Variants in DHX16 observed in about 807,000 individuals in gnomAD.
DHX16 encodes the protein pre-mRNA-splicing factor ATP-dependent RNA helicase DHX16.
Under a neutral mutation model 131.2 loss-of-function variants are expected in DHX16, and 81 were observed. The ratio of observed to expected loss-of-function variants is 0.62; its 90% confidence interval spans 0.52 to 0.74. The LOEUF is 0.74. Ranked by LOEUF, DHX16 falls within the 30% of genes least tolerant of loss-of-function variation. DHX16 has a pLI of 0.00. For missense variants in DHX16, 980 were observed against 1,363.1 expected (o/e 0.72, Z 4.43); for synonymous variants, 440 against 520.2 (o/e 0.85, Z 2.10).
intron 12 of DHX16, among the ~76,000 whole-genome samples, chr6:30,657,654 C>T (rs1171676926): frequency 6.6e-6 from 1 of 152,144 alleles, no homozygotes; most frequent in Non-Finnish European, 1.5e-5. Flanking sequence ...CCACACACTG[C>T]TTTGCTCTGC....
Position 30,664,928 on chromosome 6 carries a change from C to T in DHX16, c.1190G>A (p.Arg397His), listed in dbSNP as rs1374136350. The change falls in exon 7 of 20, where the codon CGC becomes CAC. Residue 397 changes from arginine (R) to histidine (H), a missense_variant. By Grantham distance (29) the Arg-to-His change is conservative. Coordinates refer to ENST00000376442, the MANE Select transcript of DHX16 (RefSeq NM_003587.5). ...QQKESIQAVRRSLPVFPFREE... is the reference protein window; with the variant it reads ...QQKESIQAVRHSLPVFPFREE... ...TCGAAATGGGAACACCGGGAGGCTG[C>T]GGCGGACGGCCTGGATGGACTCTTT... 9.9e-6 allele frequency: 16 copies of T among 1,613,716 alleles called. No individual in the cohort carries two copies. Among genetic ancestry groups the T allele is most frequent in the South Asian group, 2.2e-5 (2 of 91,072 alleles).
In DHX16 at chr6:30,670,349, C is replaced by G; in HGVS notation, c.666+61G>C. 1 of 1,516,514 alleles carries G rather than the reference C, an allele frequency of 6.6e-7. No homozygotes were observed. The highest frequency in any genetic ancestry group is 2.4e-5 in the East Asian group (1 of 41,856). 93.9% of individuals were successfully genotyped at this position (1,516,514 alleles called of 1,614,324 possible). ...CCTCTGTATCCTCTCTCCCTATACACTCTATCAGAAAGTCTTTCCTTTTGT... is the reference window on the plus strand; with the variant it reads ...CCTCTGTATCCTCTCTCCCTATACAGTCTATCAGAAAGTCTTTCCTTTTGT... On this transcript the variant is annotated intron_variant, in intron 4 of 19. Transcript: ENST00000376442. This position sits in a 1 kb window ranked among gnomAD's most constrained non-coding sequence, Gnocchi z 4.4.
chr6:30,663,054 CTTTA>C (rs1768671781), intron 7 of DHX16, 33 bp from the exon 8 acceptor site: 1 of 1,558,756 alleles, frequency 6.4e-7, no homozygotes, highest in African/African-American at 1.4e-5. Context: ...GAAGTTTGCC[CTTTA>C]CTAAATATGC....
At chr6:30,653,771 G>A (rs1329584390) in intron 19 of DHX16, among the ~76,000 whole-genome samples, 1 of 152,096 alleles carries the variant, frequency 6.6e-6, no homozygotes, top group Non-Finnish European at 1.5e-5. Flanking sequence ...ATACCCAAAG[G>A]GCAGATACAC....
Position 30,657,111 on chromosome 6 carries a change from G to T in DHX16, c.2008-19C>A. ...CAACCACCTGAGTGATAGGATATGG[G>T]GTCACCCAGTGACCCCACCTACCTA... On this transcript the variant is annotated intron_variant, in intron 12 of 19. Transcript: ENST00000376442. 6 of 1,599,942 alleles carry T rather than the reference G, an allele frequency of 3.8e-6. No individual in the cohort carries two copies. The highest frequency in any genetic ancestry group is 5.1e-6 in the Non-Finnish European group (6 of 1,173,606).
intron 4 of DHX16, among the ~76,000 whole-genome samples, chr6:30,667,210 G>T (rs1377727909): frequency 6.6e-6 from 1 of 152,154 alleles, no homozygotes; most frequent in Non-Finnish European, 1.5e-5. Flanking sequence ...ACTGTAGCTT[G>T]TTCCTAGTTG....
Position 30,662,946 on chromosome 6 carries a change from C to T in DHX16, c.1393G>A (p.Val465Met), listed in dbSNP as rs748243153. Residue 465 changes from valine to methionine, a missense_variant, in exon 8 of 20, where the codon GTG (valine) becomes ATG (methionine). Physicochemically the swap from Val to Met is conservative, Grantham distance 21. Transcript: ENST00000376442. The surrounding 1 kb of genome is among the most constrained non-coding windows in gnomAD (Gnocchi z 4.7). ...AGCTTCACACCCATCTCCCGGGCCA[C>T]TCGGGCGGCCACACTCATGGCAGCC... ...RVAAMSVAAR[V>M]AREMGVKLGN... The T allele has an allele frequency of 2.5e-6, 4 of 1,613,330 alleles. 1 individual carries two copies. The South Asian group carries it at 4.4e-5, about 18-fold the overall frequency.
chr6:30,658,346 C>T (rs146918531), intron 12 of DHX16, among the ~76,000 whole-genome samples: 328 of 152,232 alleles, frequency 2.2e-3, no homozygotes, highest in African/African-American at 6.8e-3. Flanking sequence ...AGTTTGAGAC[C>T]AACCTGGCCA....
Position 30,671,066 on chromosome 6 carries a change from T to C in DHX16, c.416A>G (p.Glu139Gly). 1.9e-6 allele frequency: 3 copies of C among 1,613,136 alleles called. No homozygotes were observed. Among genetic ancestry groups the C allele is most frequent in the Non-Finnish European group, 1.7e-6 (2 of 1,180,028 alleles). Residue 139 changes from glutamate (E) to glycine (G), a missense_variant, in exon 2 of 20, where the codon GAG (glutamate) becomes GGG (glycine). Glu to Gly is a moderately conservative substitution (Grantham distance 98). Coordinates refer to ENST00000376442, the MANE Select transcript of DHX16 (RefSeq NM_003587.5). ...RKKREEEEEE[E>G]ASEKGKKKTG... ...TTTCTTCTTCCCTTTCTCAGAAGCC[T>C]CTTCCTCCTCTTCTTCCTCACGCTT...
intron 19 of DHX16, 67 bp from the exon 20 acceptor site, chr6:30,653,437 T>C (rs750657160): frequency 1.3e-6 from 2 of 1,522,378 alleles, no homozygotes; most frequent in Non-Finnish European, 1.8e-6. Flanking sequence ...GTTGTTATTT[T>C]TTTTTCTTAA....
At position 30,672,905 on chromosome 6, in the gene DHX16, G is replaced by A. The variant is rs1769718552; in HGVS notation, c.-64C>T. 1 of 1,598,362 alleles carries A rather than the reference G, an allele frequency of 6.3e-7. No homozygotes were observed. Among genetic ancestry groups the A allele is most frequent in the Admixed American group, 1.7e-5 (1 of 57,324 alleles). On this transcript the variant is annotated 5_prime_UTR_variant, in exon 1 of 20. Coordinates refer to ENST00000376442, the MANE Select transcript of DHX16 (RefSeq NM_003587.5). ...GGCAGCCGCGCTCACTGCTGGGCCG[G>A]TCAGAGGCCTGGAGCCCTCGGCTGG...
rs777031132 is a variant in DHX16 at position 30,656,481 on chromosome 6, G to A, written c.2340C>T (p.Phe780=). 2 of 1,614,196 alleles carry A rather than the reference G, an allele frequency of 1.2e-6. No individual in the cohort carries two copies. The highest frequency in any genetic ancestry group is 3.3e-5 in the Admixed American group (2 of 60,016). ...LGIHDLMHFD[F]LDPPPYETLL... is the part of the protein sequence containing the mutation. ...GTGTCTCATATGGTGGAGGGTCCAGGAAATCAAAGTGCATTAGGTCATGGA... is the reference window on the plus strand; with the variant it reads ...GTGTCTCATATGGTGGAGGGTCCAGAAAATCAAAGTGCATTAGGTCATGGA... The change falls in exon 15 of 20, where the codon TTC becomes TTT. Residue 780 remains phenylalanine (F), a synonymous_variant. Transcript: ENST00000376442. This position sits in a 1 kb window ranked among gnomAD's most constrained non-coding sequence, Gnocchi z 5.1.
rs368094880 is a variant in DHX16 at position 30,653,197 on chromosome 6, T to C, written c.*45A>G. 3.8e-6 allele frequency: 6 copies of C among 1,588,594 alleles called. No individual in the cohort carries two copies. The highest frequency in any genetic ancestry group is 3.4e-6 in the Non-Finnish European group (4 of 1,171,926). Reference sequence around the variant, plus strand: ...TATTTAATAGGTATTAAATAATGTATAGAAGGAAAAGGAGCTGGTGTCAGG... The same window carrying C: ...TATTTAATAGGTATTAAATAATGTACAGAAGGAAAAGGAGCTGGTGTCAGG... On this transcript the variant is annotated 3_prime_UTR_variant, in exon 20 of 20. Coordinates refer to ENST00000376442, the MANE Select transcript of DHX16 (RefSeq NM_003587.5).
chr6:30,655,431 T>A lies in DHX16; in HGVS notation c.2661+4A>T, dbSNP rs1767888886. 6.2e-7 allele frequency: 1 copy of A among 1,613,846 alleles called. No homozygotes were observed. Among genetic ancestry groups the A allele is most frequent in the Admixed American group, 1.7e-5 (1 of 60,002 alleles). ...CTCATTCCCACTCACCCAAGCCCAG[T>A]GACCTGTGTGTAAACATTTAGCAGA... On this transcript the variant is annotated splice_donor_region_variant and intron_variant, in intron 17 of 19. Transcript: ENST00000376442.
intron 4 of DHX16, among the ~76,000 whole-genome samples, chr6:30,667,047 T>C (rs1769107591): frequency 6.6e-6 from 1 of 151,870 alleles, no homozygotes; most frequent in African/African-American, 2.4e-5. Context: ...TATAAAATAC[T>C]GAAAAATAAA....
rs2127578435 is a variant in DHX16 at position 30,656,178 on chromosome 6, A to G, written c.2498+20T>C. 6.2e-7 allele frequency: 1 copy of G among 1,611,528 alleles called. No individual in the cohort carries two copies. The highest frequency in any genetic ancestry group is 8.5e-7 in the Non-Finnish European group (1 of 1,179,610). ...TGGCCTGTTTGTGTGCTGGGGGCCC[A>G]GGTGGAGGCGAGGGCTTACTTCTCA... is the stretch of plus-strand genomic sequence containing the variant. On this transcript the variant is annotated intron_variant, in intron 16 of 19. Coordinates refer to ENST00000376442, the MANE Select transcript of DHX16 (RefSeq NM_003587.5). This position sits in a 1 kb window ranked among gnomAD's most constrained non-coding sequence, Gnocchi z 5.1.
chr6:30,660,546 C>A (rs1206066457), intron 9 of DHX16: 4 of 338,392 alleles, frequency 1.2e-5, no homozygotes, highest in Non-Finnish European at 2.1e-5. Context: ...CAAGAGTCTG[C>A]TTAGACTCAG....
chr6:30,665,609 C>G lies in DHX16; in HGVS notation c.791G>C (p.Arg264Pro), dbSNP rs149882569. The G allele has an allele frequency of 6.2e-7, 1 of 1,612,956 alleles. No homozygotes were observed. The highest frequency in any genetic ancestry group is 2.2e-5 in the East Asian group (1 of 44,886). The change falls in exon 5 of 20, where the codon CGG (arginine) becomes CCG (proline). Residue 264 changes from arginine (R) to proline (P), a missense_variant. This residue lies in a region of DHX16 where 457 missense variants were observed against 554.8 expected (regional missense o/e 0.82). Transcript: ENST00000376442. The surrounding 1 kb of genome is among the most constrained non-coding windows in gnomAD (Gnocchi z 4.8). ...EFLFGDVELS[R>P]HERQELKYKR... ...ATATTTGAGCTCCTGCCGCTCGTGC[C>G]GGCTCAGCTCCACGTCCCCAAAAAG... is the stretch of plus-strand genomic sequence containing the variant.
rs773741072 is a variant in DHX16, at chr6:30,665,464, G to A, written c.921+15C>T. The stretch of plus-strand genomic sequence containing the variant: ...CTTGGGGACCAAGGCTGAAGCAGAC[G>A]CCGCTTCACCTCACCTGTCCTCGGG... On this transcript the variant is annotated intron_variant, in intron 5 of 19. Transcript: ENST00000376442. This position sits in a 1 kb window ranked among gnomAD's most constrained non-coding sequence, Gnocchi z 4.8. 35 of 1,607,692 alleles carry A rather than the reference G, an allele frequency of 2.2e-5. No individual in the cohort carries two copies. In the Middle Eastern group the frequency reaches 1.3e-3, roughly 61 times the overall value.
Sources: gnomAD v4.1 joint callset for allele counts (sites outside exome capture counted in the v4.1 genomes callset) on GRCh38, gnomAD v4.1.1 for gene constraint, gnomAD v4.1.1 regional missense constraint, Gnocchi (gnomAD v3.1) non-coding constraint, MANE v1.5 for transcripts, NCBI Gene and HGNC (gene_info 2026-07-23, HGNC 2026-07-21) for gene names.